Variants in SPOCK1 observed in about 807,000 individuals in gnomAD.
SPOCK1 encodes testican-1.
Under a neutral mutation model 55.3 loss-of-function variants are expected in SPOCK1, and 23 were observed. The observed-to-expected ratio is 0.42, with a 90% CI of 0.30 to 0.59. The LOEUF is 0.59. Among genes scored for constraint, SPOCK1 ranks in the 20% least tolerant of loss-of-function variants. The probability of loss-of-function intolerance (pLI) is 0.22; values close to 1 mark genes in which losing one functional copy is unlikely to be tolerated. For missense variants in SPOCK1, 499 were observed against 552.5 expected, an observed-to-expected ratio of 0.90 and a Z score of 0.97; for synonymous variants, 226 against 221.0, an observed-to-expected ratio of 1.02 and a Z score of -0.20.
At chr5:137,322,460 G>A (rs1028039711) in intron 2 of SPOCK1, among the ~76,000 whole-genome samples, 9 of 151,872 alleles carry the variant, frequency 5.9e-5, no homozygotes, top group African/African-American at 2.2e-4. Context: ...TGGCATAGAA[G>A]TTAAAAGACA....
chr5:137,065,386 G>C (rs1012062043), intron 6 of SPOCK1, among the ~76,000 whole-genome samples: 1 of 152,174 alleles, frequency 6.6e-6, no homozygotes, highest in Non-Finnish European at 1.5e-5. Flanking sequence ...AAACTTTGCT[G>C]TAAGTCAGAG....
chr5:137,298,658 A>C (rs933462631), intron 2 of SPOCK1, among the ~76,000 whole-genome samples: 4 of 152,148 alleles, frequency 2.6e-5, no homozygotes, highest in African/African-American at 9.7e-5. Context: ...TTGTTCAAAT[A>C]ATTTGAAGTT....
chr5:137,438,053 GC>G (rs529661636), intron 2 of SPOCK1, among the ~76,000 whole-genome samples: 116 of 152,176 alleles, frequency 7.6e-4, no homozygotes, highest in African/African-American at 2.7e-3. Context: ...TAGCATAATG[GC>G]CCCAAGGTTT....
At chr5:137,220,710 T>TA (rs1450824790) in intron 3 of SPOCK1, among the ~76,000 whole-genome samples, 1 of 152,188 alleles carries the variant, frequency 6.6e-6, no homozygotes, top group Admixed American at 6.5e-5. Flanking sequence ...GCACCTTAGA[T>TA]AGGAATCACT....
At chr5:137,433,004 G>T (rs1752781837) in intron 2 of SPOCK1, among the ~76,000 whole-genome samples, 1 of 152,140 alleles carries the variant, frequency 6.6e-6, no homozygotes, top group Non-Finnish European at 1.5e-5. Context: ...CTTTCTCTAG[G>T]AAACCAAAGG....
At position 137,066,327 on chromosome 5, in the gene SPOCK1, T is replaced by A. The variant is rs1346557713; in HGVS notation, c.589+1388A>T. Among the ~76,000 whole-genome samples, 8 of 152,056 alleles carry A rather than the reference T, an allele frequency of 5.3e-5. No homozygotes were observed. In the South Asian group the frequency reaches 1.2e-3, roughly 24 times the overall value. ...CTGATTTTTGTATTTTTGGTAGAGA[T>A]GGGTTTTCGTCATGTTGGCCAGGCT... On this transcript the variant is annotated intron_variant, in intron 6 of 10. Transcript: ENST00000394945.
At chr5:137,140,442 G>A in intron 4 of SPOCK1, 138 bp downstream of exon 4, 1 of 601,330 alleles carries the variant, frequency 1.7e-6, no homozygotes, top group Non-Finnish European at 2.9e-6. Flanking sequence ...CAGAGTACAG[G>A]CACCAAACAC....
intron 10 of SPOCK1, among the ~76,000 whole-genome samples, 191 bp downstream of exon 10, chr5:136,979,141 A>T (rs1451234698): frequency 6.6e-6 from 1 of 152,200 alleles, no homozygotes; most frequent in Non-Finnish European, 1.5e-5. Flanking sequence ...TTCTCTGGTC[A>T]TAGTGAGTTC....
chr5:137,181,771 C>T (rs1319358526), intron 3 of SPOCK1, among the ~76,000 whole-genome samples: 2 of 152,240 alleles, frequency 1.3e-5, no homozygotes, highest in Admixed American at 6.5e-5. Context: ...ATCACCAGTT[C>T]TCTGAGCTGA....
intron 2 of SPOCK1, among the ~76,000 whole-genome samples, chr5:137,290,855 G>A (rs1294345848): frequency 6.6e-6 from 1 of 152,188 alleles, no homozygotes; most frequent in Non-Finnish European, 1.5e-5. Context: ...GACAGGTCTG[G>A]AAAGCCAGAA....
intron 4 of SPOCK1, among the ~76,000 whole-genome samples, chr5:137,127,102 GGGTCAGCCATCGCAACA>G (rs1753794937): frequency 6.6e-6 from 1 of 152,310 alleles, no homozygotes; most frequent in African/African-American, 2.4e-5. Context: ...AGATTAGTAT[GGGTCAGCCATCGCAACA>G]GAAGCCAGGT....
At chr5:137,041,922 T>C (rs937951081) in intron 6 of SPOCK1, among the ~76,000 whole-genome samples, 7 of 152,216 alleles carry the variant, frequency 4.6e-5, no homozygotes, top group African/African-American at 1.7e-4. Context: ...AAATATCTTA[T>C]AAACAAGTTA....
At chr5:137,451,441 C>A (rs1250828401) in intron 2 of SPOCK1, among the ~76,000 whole-genome samples, 2 of 152,202 alleles carry the variant, frequency 1.3e-5, no homozygotes, top group Admixed American at 1.3e-4. Context: ...GGACACCTGT[C>A]ACTTCCTTTT....
chr5:137,160,414 TATATA>T (rs1259657167), intron 3 of SPOCK1, among the ~76,000 whole-genome samples: 64 of 122,028 alleles, frequency 5.2e-4, no homozygotes, highest in Admixed American at 6.5e-4. Flanking sequence ...ATGAAATATA[TATATA>T]ATATAATATA....
intron 6 of SPOCK1, among the ~76,000 whole-genome samples, chr5:137,042,387 T>C (rs1169414358): frequency 6.6e-6 from 1 of 152,190 alleles, no homozygotes; most frequent in African/African-American, 2.4e-5. Flanking sequence ...TAAGGGCAGA[T>C]ACATGACATT....
chr5:137,278,664 A>C (rs2127123788), intron 2 of SPOCK1, among the ~76,000 whole-genome samples: 1 of 152,294 alleles, frequency 6.6e-6, no homozygotes, highest in South Asian at 2.1e-4. Flanking sequence ...GCAACTCTGT[A>C]ATTGTTGTAA....
At chr5:137,361,011 G>A (rs148536758) in intron 2 of SPOCK1, among the ~76,000 whole-genome samples, 402 of 152,290 alleles carry the variant, frequency 2.6e-3, no homozygotes, top group Non-Finnish European at 3.7e-3. Flanking sequence ...TGGAGGTGAA[G>A]TGTTCGGGAG....
chr5:137,498,399 C>T lies in SPOCK1; in HGVS notation c.160G>A (p.Asp54Asn), dbSNP rs900688469. The T allele has an allele frequency of 5.0e-6, 8 of 1,606,344 alleles. No individual in the cohort carries two copies. The highest frequency in any genetic ancestry group is 3.4e-5 in the Admixed American group (2 of 59,408). The change falls in exon 2 of 11, where the codon GAC becomes AAC. Residue 54 changes from aspartate to asparagine, a missense_variant. Transcript: ENST00000394945. ...WLSTVSQYDR[D>N]KYWNRFRDDD... The stretch of plus-strand genomic sequence containing the variant: ...TCTCGAAAGCGGTTCCAGTACTTGT[C>T]CCGGTCGTACTGGGAGACGGTGCTC...
intron 2 of SPOCK1, among the ~76,000 whole-genome samples, chr5:137,303,156 G>C (rs563161267): frequency 6.6e-6 from 1 of 152,210 alleles, no homozygotes; most frequent in East Asian, 1.9e-4. Flanking sequence ...ATTGTACAAA[G>C]AGGCAAGCAT....
Sources: gnomAD v4.1 joint callset for allele counts (sites outside exome capture counted in the v4.1 genomes callset) on GRCh38, gnomAD v4.1.1 for gene constraint, MANE v1.5 for transcripts, NCBI Gene and HGNC (gene_info 2026-07-23, HGNC 2026-07-21) for gene names.